CNTN5: variants seen among roughly 807,000 people sequenced by gnomAD.
CNTN5 encodes the protein contactin-5.
Under a neutral mutation model 129.1 loss-of-function variants are expected in CNTN5, and 77 were observed. That is an observed-to-expected ratio of 0.60 (90% CI 0.50 to 0.72). CNTN5 has a LOEUF of 0.72. CNTN5 is among the 30% of genes least tolerant of loss of function. The pLI, the probability that CNTN5 is intolerant of heterozygous loss-of-function variation, is 0.00. For missense variants in CNTN5, 1,478 were observed against 1,328.8 expected (o/e 1.11, Z -1.75); for synonymous variants, 509 against 465.6 (o/e 1.09, Z -1.20).
At chr11:99,628,107 G>A (rs1430150992) in intron 3 of CNTN5, among the ~76,000 whole-genome samples, 1 of 151,812 alleles carries the variant, frequency 6.6e-6, no homozygotes, top group Non-Finnish European at 1.5e-5. Context: ...GCCTTAAAAG[G>A]AGCAATTAGA....
At chr11:99,556,998 A>G (rs146321573) in intron 3 of CNTN5, among the ~76,000 whole-genome samples, 4 of 151,430 alleles carry the variant, frequency 2.6e-5, no homozygotes, top group African/African-American at 7.2e-5. Flanking sequence ...TTTAAGCGCT[A>G]TGCATGTAAC....
chr11:100,069,443 C>T (rs190304245), intron 10 of CNTN5, among the ~76,000 whole-genome samples: 1 of 152,228 alleles, frequency 6.6e-6, no homozygotes, highest in African/African-American at 2.4e-5. Flanking sequence ...GCATGAGCAC[C>T]GTCCCAGGTC....
chr11:99,497,197 G>GA (rs1201974932), intron 2 of CNTN5, among the ~76,000 whole-genome samples: 1 of 152,170 alleles, frequency 6.6e-6, no homozygotes, highest in Admixed American at 6.5e-5. Flanking sequence ...TCCCAGATGG[G>GA]AAAAATATTA....
chr11:99,378,085 A>G (rs1413175882), intron 2 of CNTN5, among the ~76,000 whole-genome samples: 2 of 152,230 alleles, frequency 1.3e-5, no homozygotes, highest in Non-Finnish European at 2.9e-5. Context: ...AAGAACAAAC[A>G]TTACATATAA....
intron 3 of CNTN5, among the ~76,000 whole-genome samples, chr11:99,578,290 C>T (rs925545980): frequency 2.6e-5 from 4 of 151,928 alleles, no homozygotes; most frequent in Admixed American, 1.3e-4. Flanking sequence ...AATAAACATA[C>T]GTGTGCATGT....
rs139062663 is a variant in CNTN5, at chr11:100,075,565, T to C, written c.1580+1271T>C. Among the ~76,000 whole-genome samples, 27 of 151,730 alleles carry C rather than the reference T, an allele frequency of 1.8e-4. No individual in the cohort carries two copies. In the East Asian group the frequency reaches 4.3e-3, roughly 24 times the overall value. ...AATAGAGAGCCGTGTAGAAATATGA[T>C]TGGACAAAAAGTATGTGATCTAATG... On this transcript the variant is annotated intron_variant, in intron 13 of 24. Coordinates refer to ENST00000524871, the MANE Select transcript of CNTN5 (RefSeq NM_014361.4).
intron 3 of CNTN5, among the ~76,000 whole-genome samples, chr11:99,787,343 G>C (rs967409674): frequency 3.3e-5 from 5 of 151,304 alleles, no homozygotes; most frequent in Non-Finnish European, 7.4e-5. Context: ...ATTAGGACCT[G>C]TTCAACTCTT....
chr11:100,354,483 G>T (rs531238673), intron 24 of CNTN5, among the ~76,000 whole-genome samples: 50 of 151,632 alleles, frequency 3.3e-4, no homozygotes, highest in African/African-American at 1.2e-3. Flanking sequence ...ACCATTTTTT[G>T]CCAGGTTTGG....
At chr11:99,055,084 C>G (rs116595472) in intron 1 of CNTN5, among the ~76,000 whole-genome samples, 1 of 151,848 alleles carries the variant, frequency 6.6e-6, no homozygotes. Flanking sequence ...GGGCTAGGTC[C>G]CTAGAATTTC....
At chr11:99,932,865 A>G (rs551283967) in intron 7 of CNTN5, among the ~76,000 whole-genome samples, 2 of 152,118 alleles carry the variant, frequency 1.3e-5, no homozygotes, top group Non-Finnish European at 2.9e-5. Context: ...CTAAGTGCCT[A>G]TGAACAAGTT....
At chr11:99,454,630 A>G (rs1944430351) in intron 2 of CNTN5, among the ~76,000 whole-genome samples, 1 of 152,162 alleles carries the variant, frequency 6.6e-6, no homozygotes, top group Non-Finnish European at 1.5e-5. Flanking sequence ...CTCCCCAGCC[A>G]TGCTGAACTG....
intron 1 of CNTN5, among the ~76,000 whole-genome samples, chr11:99,192,029 A>T (rs746117929): frequency 4.1e-4 from 62 of 151,892 alleles, no homozygotes; most frequent in Admixed American, 1.0e-3. Flanking sequence ...GTATTTTTTT[A>T]AAAAGATAAA....
Position 99,028,859 on chromosome 11 carries a change from A to C in CNTN5, c.-210+7589A>C, listed in dbSNP as rs12272147. Among the ~76,000 whole-genome samples the C allele has an allele frequency of 3.1e-3, 468 of 152,000 alleles. 5 individuals carry two copies. The highest frequency in any genetic ancestry group is 0.01 in the African/African-American group (426 of 41,536). Reference sequence around the variant, plus strand: ...AGTGGATTAACTATGAAGCCAATGAAGCTTTGCTTATATGGCCGTTTCCAA... The same window carrying C: ...AGTGGATTAACTATGAAGCCAATGACGCTTTGCTTATATGGCCGTTTCCAA... On this transcript the variant is annotated intron_variant, in intron 1 of 24. Transcript: ENST00000524871.
At chr11:99,825,943 CT>C (rs1183284252) in intron 4 of CNTN5, among the ~76,000 whole-genome samples, 3 of 152,072 alleles carry the variant, frequency 2.0e-5, no homozygotes, top group Non-Finnish European at 4.4e-5. Context: ...CAACATCTTT[CT>C]TTTCAAATGT....
At chr11:100,242,828 A>C (rs1482522730) in intron 16 of CNTN5, among the ~76,000 whole-genome samples, 1 of 152,218 alleles carries the variant, frequency 6.6e-6, no homozygotes. Flanking sequence ...CCCCAAAGAG[A>C]CTAATTACAT....
intron 8 of CNTN5, among the ~76,000 whole-genome samples, chr11:99,966,496 C>T (rs956302087): frequency 6.6e-6 from 1 of 152,172 alleles, no homozygotes; most frequent in Non-Finnish European, 1.5e-5. Context: ...GAATGGTCAC[C>T]TTGGAGGGTG....
At chr11:99,036,521 A>G (rs1436127844) in intron 1 of CNTN5, among the ~76,000 whole-genome samples, 1 of 152,146 alleles carries the variant, frequency 6.6e-6, no homozygotes, top group Non-Finnish European at 1.5e-5. Flanking sequence ...CTATCAATTT[A>G]TTTCTCATAT....
At chr11:99,873,063 G>A (rs1010838300) in intron 6 of CNTN5, among the ~76,000 whole-genome samples, 29 of 142,724 alleles carry the variant, frequency 2.0e-4, no homozygotes, top group Non-Finnish European at 3.0e-4. Context: ...ATTTTTTAAT[G>A]AATCACTATT....
intron 15 of CNTN5, among the ~76,000 whole-genome samples, chr11:100,199,940 C>T (rs185238841): frequency 2.6e-5 from 4 of 152,036 alleles, no homozygotes; most frequent in South Asian, 2.1e-4. Flanking sequence ...TGATATAAAG[C>T]GTTTTCTCTG....
Sources: allele counts gnomAD v4.1 joint callset (sites outside exome capture counted in the v4.1 genomes callset), GRCh38; gene constraint gnomAD v4.1.1; transcripts MANE v1.5; gene names NCBI Gene and HGNC (gene_info 2026-07-23, HGNC 2026-07-21).